Variants in CEACAM4 observed in about 807,000 individuals in gnomAD.
CEACAM4 encodes CEA cell adhesion molecule 4.
Under a neutral mutation model 28.7 loss-of-function variants are expected in CEACAM4, and 30 were observed. The observed-to-expected ratio is 1.05, with a 90% CI of 0.78 to 1.42. The LOEUF is 1.42. Ranked by LOEUF, CEACAM4 falls within the 40% of genes most tolerant of loss-of-function variation. The probability of loss-of-function intolerance (pLI) is 0.00; values close to 1 mark genes in which losing one functional copy is unlikely to be tolerated. For missense variants in CEACAM4, 330 were observed against 308.2 expected (o/e 1.07, Z -0.53); for synonymous variants, 143 against 126.5 (o/e 1.13, Z -0.87).
At chr19:41,614,756 C>T (rs781930592), downstream of CEACAM4, among the ~76,000 whole-genome samples, 1 of 152,142 alleles carries the variant, frequency 6.6e-6, no homozygotes, top group African/African-American at 2.4e-5. Context: ...CTGTGATTAC[C>T]ACGCAAGGCT....
In CEACAM4 at chr19:41,620,211, C is replaced by G; in HGVS notation, c.627G>C (p.Ser209=). ...GHGPSHRSTF[S]APLPSPRTAT... ...AGGGCTGGGGAGGGAACAGGCTTAC[C>G]GAGAAGGTGGATCTGTGAGAGGGAC... The change falls in exon 5 of 7, where the codon TCG becomes TCC. Residue 209 remains serine, a splice_region_variant and synonymous_variant. Coordinates refer to ENST00000221954, the MANE Select transcript of CEACAM4 (RefSeq NM_001817.4). 2 of 1,492,402 alleles carry G rather than the reference C, an allele frequency of 1.3e-6. No homozygotes were observed. The highest frequency in any genetic ancestry group is 8.9e-7 in the Non-Finnish European group (1 of 1,126,738). The allele number at this position is 1,492,402 out of a possible 1,614,324, so 92.4% of individuals were successfully genotyped here. A position where few individuals can be genotyped will look rare whatever the true frequency, so the allele number is the denominator to read the frequency against.
chr19:41,619,149 G>A lies in CEACAM4; in HGVS notation c.*181C>T, dbSNP rs2071093461. Reference sequence around the variant, plus strand: ...TTGTCCCGGCCCACCCAGAGCCCAGGGCAACCTGTCAGGGTCTCCAGATAT... The same window carrying A: ...TTGTCCCGGCCCACCCAGAGCCCAGAGCAACCTGTCAGGGTCTCCAGATAT... On this transcript the variant is annotated 3_prime_UTR_variant, in exon 7 of 7. Transcript: ENST00000221954. The A allele has an allele frequency of 1.7e-6, 1 of 601,630 alleles. No individual in the cohort carries two copies. 37.3% of individuals were successfully genotyped at this position (601,630 alleles called of 1,614,324 possible).
chr19:41,621,889 GT>G lies in CEACAM4; in HGVS notation c.425-122del, dbSNP rs1236713582. On this transcript the variant is annotated intron_variant, in intron 2 of 6. Transcript: ENST00000221954. ...GGAAATGCTCCAGAGCCTGAGTGTG[GT>G]CTGTTGGGCTGTCCTCATAGCTGAC... The G allele has an allele frequency of 1.1e-4, 75 of 681,580 alleles. No homozygotes were observed. In the East Asian group the frequency reaches 1.9e-3, roughly 17 times the overall value. 42.2% of individuals were successfully genotyped at this position (681,580 alleles called of 1,614,324 possible).
At chr19:41,623,356 TC>T (rs1304106207) in intron 2 of CEACAM4, among the ~76,000 whole-genome samples, 1 of 151,230 alleles carries the variant, frequency 6.6e-6, no homozygotes, top group African/African-American at 2.4e-5. Context: ...AATTTCAACA[TC>T]CCTGCCACAT....
intron 5 of CEACAM4, among the ~76,000 whole-genome samples, 171 bp from the exon 6 acceptor site, chr19:41,619,882 A>ACACAACAC (rs1555800454): frequency 6.6e-6 from 1 of 151,844 alleles, no homozygotes; most frequent in African/African-American, 2.4e-5. Flanking sequence ...CCCAGTGTGG[A>ACACAACAC]CACAACACCC....
At position 41,621,672 on chromosome 19, in the gene CEACAM4, A is replaced by G; in HGVS notation, c.521T>C (p.Leu174Pro). The G allele has an allele frequency of 6.2e-7, 1 of 1,606,280 alleles. No individual in the cohort carries two copies. The highest frequency in any genetic ancestry group is 8.5e-7 in the Non-Finnish European group (1 of 1,172,890). The change falls in exon 3 of 7, where the codon CTG (leucine) becomes CCG (proline). Residue 174 changes from leucine (L) to proline (P), a missense_variant. Leu to Pro is a moderately conservative substitution (Grantham distance 98). Transcript: ENST00000221954. ...GTACCTTCCAGTCCTGGAGAGAAGC[A>G]GAAAACACACCAGGGCGGCCACCAG... ...VALVAALVCFLLLSRTGRASI... is the reference protein window; with the variant it reads ...VALVAALVCFPLLSRTGRASI...
In CEACAM4 at chr19:41,620,582, G is replaced by A. The variant is rs201561007; in HGVS notation, c.588C>T (p.Ser196=). ...RDLREQPPPA[S]TPGHGPSHRS... Reference sequence around the variant, plus strand: ...GGCTGAAGGGACACTCACCAGGGGTGGAGGCTGGGGGCGGCTGCTCCCTGA... The same window carrying A: ...GGCTGAAGGGACACTCACCAGGGGTAGAGGCTGGGGGCGGCTGCTCCCTGA... Residue 196 remains serine, a synonymous_variant, in exon 4 of 7, where the codon TCC becomes TCT. Transcript: ENST00000221954. 1.2e-5 allele frequency: 19 copies of A among 1,612,760 alleles called. No homozygotes were observed. In the East Asian group the frequency reaches 3.8e-4, roughly 32 times the overall value.
chr19:41,623,917 G>T lies in CEACAM4; in HGVS notation c.424+1684C>A, dbSNP rs929128866. On this transcript the variant is annotated intron_variant, in intron 2 of 6. Transcript: ENST00000221954. The stretch of plus-strand genomic sequence containing the variant: ...GTAAGGCAAACGTGTGGGACTACCC[G>T]CAAGCCTGATCCCTCCCCTGAAAAC... Among the ~76,000 whole-genome samples, 6 of 152,194 alleles carry T rather than the reference G, an allele frequency of 3.9e-5. No homozygotes were observed. In the South Asian group the frequency reaches 1.0e-3, roughly 26 times the overall value.
chr19:41,614,914 G>A (rs1200714501), downstream of CEACAM4, among the ~76,000 whole-genome samples: 2 of 148,726 alleles, frequency 1.3e-5, no homozygotes, highest in African/African-American at 5.0e-5. Context: ...GGGAAGACAA[G>A]GGAAGACGAA....
intron 2 of CEACAM4, among the ~76,000 whole-genome samples, chr19:41,622,260 T>G (rs1211763465): frequency 6.6e-6 from 1 of 152,062 alleles, no homozygotes; most frequent in African/African-American, 2.4e-5. Flanking sequence ...ATATTTTTAG[T>G]AGAGATGAAA....
intron 2 of CEACAM4, among the ~76,000 whole-genome samples, chr19:41,622,853 T>TATAG (rs1288831230): frequency 0.23 from 30,973 of 132,068 alleles, 3,554 homozygotes; most frequent in South Asian, 0.3. Context: ...TATACATATA[T>TATAG]ATAGATAGAT....
chr19:41,618,807 G>A (rs1555799659), downstream of CEACAM4, among the ~76,000 whole-genome samples: 3 of 152,158 alleles, frequency 2.0e-5, no homozygotes, highest in Non-Finnish European at 2.9e-5. Flanking sequence ...TGAGCGCTCG[G>A]CTGGCTGGGC....
At chr19:41,614,554 C>T (rs1422960364), downstream of CEACAM4, among the ~76,000 whole-genome samples, 1 of 152,184 alleles carries the variant, frequency 6.6e-6, no homozygotes, top group African/African-American at 2.4e-5. Flanking sequence ...CTATTCTTTG[C>T]CCACACATCA....
At chr19:41,616,510 TAGATA>T (rs1393129104), downstream of CEACAM4, among the ~76,000 whole-genome samples, 1 of 146,486 alleles carries the variant, frequency 6.8e-6, no homozygotes, top group Admixed American at 6.7e-5. Flanking sequence ...GATAGATAGA[TAGATA>T]GATAGATAGA....
chr19:41,623,967 G>C (rs905549641), intron 2 of CEACAM4, among the ~76,000 whole-genome samples: 4 of 152,072 alleles, frequency 2.6e-5, no homozygotes, highest in African/African-American at 9.7e-5. Context: ...GCAGCCCCAG[G>C]GTCAGATGAG....
At chr19:41,623,911 C>T (rs2071474876) in intron 2 of CEACAM4, among the ~76,000 whole-genome samples, 1 of 152,104 alleles carries the variant, frequency 6.6e-6, no homozygotes, top group Admixed American at 6.5e-5. Flanking sequence ...ACGTGTGGGA[C>T]TACCCGCAAG....
chr19:41,626,017 A>T lies in CEACAM4; in HGVS notation c.65-57T>A, dbSNP rs572000641. 5 of 1,539,074 alleles carry T rather than the reference A, an allele frequency of 3.2e-6. No individual in the cohort carries two copies. In the African/African-American group the frequency reaches 4.1e-5, roughly 13 times the overall value. ...GGGACCTATGGAGTGGGATGGAAAG[A>T]TAAGGCCCTGGGTCCTCAGCAGGTC... On this transcript the variant is annotated intron_variant, in intron 1 of 6. Coordinates refer to ENST00000221954, the MANE Select transcript of CEACAM4 (RefSeq NM_001817.4).
chr19:41,614,718 A>G (rs1378478610), downstream of CEACAM4, among the ~76,000 whole-genome samples: 1 of 152,074 alleles, frequency 6.6e-6, no homozygotes. Context: ...CAGGTGACAC[A>G]CCTGAACACA....
the CEACAM4 span, among the ~76,000 whole-genome samples, chr19:41,613,496 GACAC>G: frequency 2.5e-4 from 37 of 149,226 alleles, no homozygotes; most frequent in South Asian, 4.2e-4. Context: ...CTGTCTGGAG[GACAC>G]ACACACACAC....
Sources: allele counts gnomAD v4.1 joint callset (sites outside exome capture counted in the v4.1 genomes callset), GRCh38; gene constraint gnomAD v4.1.1; transcripts MANE v1.5; gene names NCBI Gene and HGNC (gene_info 2026-07-23, HGNC 2026-07-21).